ANKRD30B: variants seen among roughly 807,000 people sequenced by gnomAD.
ANKRD30B encodes the protein ankyrin repeat domain-containing protein 30B.
ANKRD30B carries 144 observed loss-of-function variants against 202.2 expected under a neutral mutation model. The observed-to-expected ratio is 0.71, with a 90% confidence interval of 0.62 to 0.82. The LOEUF is 0.82. ANKRD30B is among the 40% of genes least tolerant of loss of function. The probability of loss-of-function intolerance (pLI) is 0.00; values close to 1 mark genes in which losing one functional copy is unlikely to be tolerated. For synonymous variants in ANKRD30B, 508 were observed against 561.3 expected (o/e 0.91, Z 1.34); for missense variants, 1,487 against 1,669.1 (o/e 0.89, Z 1.90).
chr18:14,865,593 T>G, the ANKRD30B span, among the ~76,000 whole-genome samples: 1 of 151,388 alleles, frequency 6.6e-6, no homozygotes, highest in Non-Finnish European at 1.5e-5. Context: ...ACCACCCTGT[T>G]TTTCCCCCTC....
chr18:14,832,780 C>T (rs1017176774), intron 34 of ANKRD30B, among the ~76,000 whole-genome samples: 26 of 151,970 alleles, frequency 1.7e-4, no homozygotes, highest in African/African-American at 3.1e-4. Flanking sequence ...AATTAATGTG[C>T]GTTATCTTGA....
the ANKRD30B span, among the ~76,000 whole-genome samples, chr18:14,930,237 A>G: frequency 3.3e-5 from 5 of 152,050 alleles, no homozygotes; most frequent in African/African-American, 1.2e-4. Flanking sequence ...GGCTGGGCCG[A>G]CAGAGAAGGA....
chr18:14,759,693 T>G (rs1438228967), intron 5 of ANKRD30B, among the ~76,000 whole-genome samples: 1 of 152,180 alleles, frequency 6.6e-6, no homozygotes, highest in Non-Finnish European at 1.5e-5. Context: ...TTGGTGTGAT[T>G]GATGAGGTCG....
intron 16 of ANKRD30B, among the ~76,000 whole-genome samples, chr18:14,792,922 T>C (rs556103224): frequency 1.3e-5 from 2 of 152,280 alleles, no homozygotes; most frequent in African/African-American, 4.8e-5. Context: ...TAATTCTGAA[T>C]TCATGACTTG....
the ANKRD30B span, among the ~76,000 whole-genome samples, chr18:14,921,343 G>A: frequency 6.7e-6 from 1 of 150,064 alleles, no homozygotes; most frequent in Non-Finnish European, 1.5e-5. Flanking sequence ...AGACAAATGA[G>A]GTGCGTGTTT....
intron 16 of ANKRD30B, among the ~76,000 whole-genome samples, chr18:14,795,606 A>C (rs1434225794): frequency 6.6e-6 from 1 of 152,194 alleles, no homozygotes; most frequent in Non-Finnish European, 1.5e-5. Flanking sequence ...CTCCTATTTC[A>C]CAGAGGTTCA....
intron 32 of ANKRD30B, among the ~76,000 whole-genome samples, chr18:14,826,693 TCA>T (rs61497414): frequency 0.11 from 14,148 of 124,980 alleles, 790 homozygotes; most frequent in East Asian, 0.29. Context: ...TCTCTCTCTC[TCA>T]CACACACACA....
chr18:14,820,386 C>T (rs1052559802), intron 30 of ANKRD30B, among the ~76,000 whole-genome samples: 1 of 152,190 alleles, frequency 6.6e-6, no homozygotes, highest in African/African-American at 2.4e-5. Flanking sequence ...CTGGCCAGAA[C>T]TTCCAACACT....
intron 18 of ANKRD30B, 121 bp from the exon 19 acceptor site, chr18:14,797,540 C>G: frequency 8.6e-7 from 1 of 1,161,518 alleles, no homozygotes; most frequent in Non-Finnish European, 1.3e-6. Context: ...ACCCCAAAAC[C>G]TAGTGTAATC....
chr18:14,880,959 C>A, the ANKRD30B span, among the ~76,000 whole-genome samples: 3 of 152,096 alleles, frequency 2.0e-5, no homozygotes, highest in Non-Finnish European at 2.9e-5. Context: ...TTGCTGAATT[C>A]TTTTATCAGT....
the ANKRD30B span, chr18:14,889,982 C>T: frequency 1.1e-6 from 1 of 921,594 alleles, no homozygotes; most frequent in Non-Finnish European, 1.7e-6. Flanking sequence ...GATCAATTAT[C>T]AATACCTTTG....
chr18:14,787,395 A>G (rs1319025636), intron 15 of ANKRD30B, among the ~76,000 whole-genome samples: 2 of 152,204 alleles, frequency 1.3e-5, no homozygotes, highest in East Asian at 1.9e-4. Flanking sequence ...GTCTAAAAGC[A>G]AAAGAATTAC....
intron 22 of ANKRD30B, among the ~76,000 whole-genome samples, chr18:14,800,338 C>T (rs1318144295): frequency 2.0e-5 from 3 of 150,046 alleles, no homozygotes; most frequent in Non-Finnish European, 4.4e-5. Context: ...TATGGCGTCT[C>T]GCTGTCTCGC....
the ANKRD30B span, among the ~76,000 whole-genome samples, chr18:14,897,922 T>A: frequency 1.3e-5 from 2 of 152,210 alleles, no homozygotes; most frequent in African/African-American, 4.8e-5. Context: ...ATGAATAAAC[T>A]CCTAATTGCC....
In ANKRD30B at chr18:14,851,921, G is replaced by T. The variant is rs142686832; in HGVS notation, c.3977G>T (p.Gly1326Val). ...KNQELAFHSA[G>V]DAPLQGIMNV... Reference sequence around the variant, plus strand: ...CAAGAACTTGCTTTCCACAGTGCAGGAGATGCTCCTTTGCAAGGAATAATG... The same window carrying T: ...CAAGAACTTGCTTTCCACAGTGCAGTAGATGCTCCTTTGCAAGGAATAATG... The change falls in exon 42 of 44, where the codon GGA becomes GTA. Residue 1326 changes from glycine (G) to valine (V), a missense_variant. Physicochemically the swap from Gly to Val is moderately radical, Grantham distance 109. This residue lies in a region of ANKRD30B where 182 missense variants were observed against 216.0 expected (regional missense o/e 0.84). Transcript: ENST00000690538. The T allele has an allele frequency of 2.1e-4, 331 of 1,604,394 alleles. 2 individuals carry two copies. The African/African-American group carries it at 3.8e-3, about 19-fold the overall frequency.
chr18:14,786,907 A>C (rs1227426716), intron 14 of ANKRD30B, 132 bp from the exon 15 acceptor site: 18 of 838,636 alleles, frequency 2.1e-5, no homozygotes, highest in Non-Finnish European at 3.0e-5. Flanking sequence ...AGTCACTGTA[A>C]TCAACAAAAA....
chr18:14,909,413 T>G, the ANKRD30B span, among the ~76,000 whole-genome samples: 59 of 152,218 alleles, frequency 3.9e-4, no homozygotes, highest in Non-Finnish European at 7.4e-5. Context: ...AAGGCGCTAT[T>G]TGTTGTTGTT....
chr18:14,928,117 G>GCCA, the ANKRD30B span, among the ~76,000 whole-genome samples: 5 of 152,180 alleles, frequency 3.3e-5, 1 homozygote, highest in East Asian at 9.7e-4. Context: ...ACAGGCACCT[G>GCCA]CCACCATGCC....
chr18:14,827,829 A>G (rs1173550933), intron 32 of ANKRD30B, among the ~76,000 whole-genome samples: 1 of 152,212 alleles, frequency 6.6e-6, no homozygotes, highest in Non-Finnish European at 1.5e-5. Context: ...ACTGTAGTTC[A>G]CTTGCAGAGA....
Sources: gnomAD v4.1 joint callset for allele counts (sites outside exome capture counted in the v4.1 genomes callset) on GRCh38, gnomAD v4.1.1 for gene constraint, gnomAD v4.1.1 regional missense constraint, MANE v1.5 for transcripts, NCBI Gene and HGNC (gene_info 2026-07-23, HGNC 2026-07-21) for gene names.